TDRD9: variants seen among roughly 807,000 people sequenced by gnomAD.
TDRD9 encodes the protein ATP-dependent RNA helicase TDRD9.
A neutral mutation model predicts 172.6 loss-of-function variants in TDRD9; 124 were observed. The observed-to-expected ratio is 0.72, with a 90% CI of 0.62 to 0.83. The LOEUF (loss-of-function observed/expected upper bound fraction) is 0.83, where lower values mean the gene tolerates loss of function less well. TDRD9 is among the 40% of genes least tolerant of loss of function. TDRD9 has a pLI of 0.00. For missense variants in TDRD9, 1,479 were observed against 1,714.1 expected, an observed-to-expected ratio of 0.86 and a Z score of 2.42; for synonymous variants, 619 against 617.1, an observed-to-expected ratio of 1.00 and a Z score of -0.05.
At chr14:103,952,136 A>ATATATATATG (rs2031911267) in intron 1 of TDRD9, among the ~76,000 whole-genome samples, 1 of 140,414 alleles carries the variant, frequency 7.1e-6, no homozygotes, top group African/African-American at 2.6e-5. Context: ...ATACACGTAT[A>ATATATATATG]TATATATATG....
At chr14:103,994,084 C>G (rs754324680) in intron 9 of TDRD9, among the ~76,000 whole-genome samples, 1 of 152,336 alleles carries the variant, frequency 6.6e-6, no homozygotes, top group Middle Eastern at 3.4e-3. Context: ...CTAACACCCA[C>G]AGGGAGTCAC....
chr14:103,933,605 G>C (rs904218803), intron 1 of TDRD9, among the ~76,000 whole-genome samples: 20 of 151,940 alleles, frequency 1.3e-4, no homozygotes, highest in African/African-American at 3.9e-4. Context: ...ACAGGGTTTT[G>C]CCATGTTGCC....
chr14:104,024,745 A>T, intron 25 of TDRD9, 65 bp downstream of exon 25: 1 of 717,172 alleles, frequency 1.4e-6, no homozygotes, highest in African/African-American at 2.3e-5. Flanking sequence ...GTATACAGGA[A>T]GTTTACACAC....
chr14:103,954,524 T>C (rs577025238), intron 1 of TDRD9, among the ~76,000 whole-genome samples: 2 of 152,376 alleles, frequency 1.3e-5, no homozygotes, highest in Admixed American at 1.3e-4. Context: ...CATGCATGTC[T>C]TTGCACGTGC....
intron 35 of TDRD9, among the ~76,000 whole-genome samples, chr14:104,050,811 CTTTG>C (rs2035917415): frequency 6.6e-6 from 1 of 152,210 alleles, no homozygotes; most frequent in African/African-American, 2.4e-5. Flanking sequence ...ACTAGCAGGA[CTTTG>C]TTTGAAAACA....
intron 1 of TDRD9, among the ~76,000 whole-genome samples, chr14:103,938,440 A>ATATTTTTTTT (rs1334417901): frequency 2.2e-5 from 1 of 44,548 alleles, no homozygotes; most frequent in African/African-American, 9.2e-5. Flanking sequence ...ATATATATAT[A>ATATTTTTTTT]TTTTTTTTTT....
At chr14:103,959,199 G>A (rs574708816) in intron 2 of TDRD9, among the ~76,000 whole-genome samples, 2 of 152,262 alleles carry the variant, frequency 1.3e-5, no homozygotes, top group South Asian at 4.2e-4. Context: ...GGACAAACCG[G>A]ACAGGAATTG....
chr14:103,938,509 G>T (rs1423397772), intron 1 of TDRD9, among the ~76,000 whole-genome samples: 6 of 143,090 alleles, frequency 4.2e-5, no homozygotes, highest in Non-Finnish European at 7.5e-5. Flanking sequence ...CGTGATCTTG[G>T]CTCACTGCAA....
chr14:104,049,691 C>T lies in TDRD9; in HGVS notation c.4047+11C>T, dbSNP rs553490063. On this transcript the variant is annotated intron_variant, in intron 35 of 35. Coordinates refer to ENST00000409874, the MANE Select transcript of TDRD9 (RefSeq NM_153046.3). ...TACGAGTGGAATCAGGTGAGTGGGACGCAGGCTGCTACATGAGCAGAGGCC... is the reference window on the plus strand; with the variant it reads ...TACGAGTGGAATCAGGTGAGTGGGATGCAGGCTGCTACATGAGCAGAGGCC... The T allele has an allele frequency of 2.3e-5, 36 of 1,570,472 alleles. 1 individual carries two copies. The South Asian group carries it at 3.1e-4, about 13-fold the overall frequency.
chr14:104,049,473 A>T, intron 34 of TDRD9, 135 bp from the exon 35 acceptor site: 1 of 650,004 alleles, frequency 1.5e-6, no homozygotes, highest in Non-Finnish European at 2.5e-6. Context: ...AACTGCATAA[A>T]TGTTGACCTT....
intron 1 of TDRD9, among the ~76,000 whole-genome samples, chr14:103,952,467 T>TC (rs1412883050): frequency 6.7e-6 from 1 of 149,956 alleles, no homozygotes; most frequent in African/African-American, 2.4e-5. Flanking sequence ...GGTCTTGATC[T>TC]CTTGACCTCG....
intron 1 of TDRD9, among the ~76,000 whole-genome samples, chr14:103,944,946 G>A (rs2031479469): frequency 6.6e-6 from 1 of 152,174 alleles, no homozygotes; most frequent in Admixed American, 6.5e-5. Flanking sequence ...TCACTTAACA[G>A]ATATCTATTG....
intron 14 of TDRD9, 102 bp from the exon 15 acceptor site, chr14:104,005,172 C>G: frequency 8.1e-7 from 1 of 1,229,938 alleles, no homozygotes; most frequent in Non-Finnish European, 1.1e-6. Flanking sequence ...CTTCTCTCCT[C>G]TCCTTCTCTC....
At chr14:103,941,457 C>T in intron 1 of TDRD9, 4 of 1,535,386 alleles carry the variant, frequency 2.6e-6, no homozygotes, top group Non-Finnish European at 3.5e-6. Flanking sequence ...TTCAAGTTGT[C>T]TTTGTTCAGT....
At position 103,928,502 on chromosome 14, in the gene TDRD9, C is replaced by T; in HGVS notation, c.-8C>T. ...CAGTTGGGGGATGCCGACGCCTGGG[C>T]CTTGAGGATGCTGCGGAAGCTCACC... On this transcript the variant is annotated 5_prime_UTR_variant, in exon 1 of 36. Transcript: ENST00000409874. 7.0e-7 allele frequency: 1 copy of T among 1,429,202 alleles called. No individual in the cohort carries two copies. Among genetic ancestry groups the T allele is most frequent in the Non-Finnish European group, 9.2e-7 (1 of 1,081,302 alleles). The allele number at this position is 1,429,202 out of a possible 1,614,324, so 88.5% of individuals were successfully genotyped here. A position where few individuals can be genotyped will look rare whatever the true frequency, so the allele number is the denominator to read the frequency against.
intron 7 of TDRD9, among the ~76,000 whole-genome samples, chr14:103,985,539 A>C (rs1198088747): frequency 2.0e-5 from 3 of 152,168 alleles, no homozygotes; most frequent in Non-Finnish European, 4.4e-5. Flanking sequence ...AGATGGACTA[A>C]TGCACAGCCT....
At chr14:103,971,010 G>A (rs1020961133) in intron 6 of TDRD9, among the ~76,000 whole-genome samples, 16 of 151,458 alleles carry the variant, frequency 1.1e-4, no homozygotes, top group African/African-American at 3.9e-4. Context: ...TTGAGACGGA[G>A]TCTAGCTCTG....
At chr14:103,949,394 G>A (rs1204901204) in intron 1 of TDRD9, among the ~76,000 whole-genome samples, 2 of 152,342 alleles carry the variant, frequency 1.3e-5, no homozygotes, top group South Asian at 4.1e-4. Flanking sequence ...GCTAGTAGAA[G>A]AATTCTTTGT....
intron 1 of TDRD9, among the ~76,000 whole-genome samples, chr14:103,929,750 C>G (rs879769768): frequency 6.6e-6 from 1 of 152,216 alleles, no homozygotes; most frequent in Non-Finnish European, 1.5e-5. Context: ...GAACTCCTGA[C>G]CTCAGGTGAT....
Sources: allele counts gnomAD v4.1 joint callset (sites outside exome capture counted in the v4.1 genomes callset), GRCh38; gene constraint gnomAD v4.1.1; transcripts MANE v1.5; gene names NCBI Gene and HGNC (gene_info 2026-07-23, HGNC 2026-07-21).